Variants in ZNF33B observed in about 807,000 individuals in gnomAD.
ZNF33B encodes the protein zinc finger protein 11b (KOX 2).
In ZNF33B, 29 loss-of-function variants were observed where a neutral mutation model predicts 45.8. The ratio of observed to expected loss-of-function variants is 0.63; its 90% confidence interval spans 0.47 to 0.86. ZNF33B has a LOEUF of 0.86. ZNF33B is among the 40% of genes least tolerant of loss of function. The pLI, the probability that ZNF33B is intolerant of heterozygous loss-of-function variation, is 0.00. For missense variants in ZNF33B, 831 were observed against 909.9 expected, an observed-to-expected ratio of 0.91 and a Z score of 1.12; for synonymous variants, 305 against 307.8, an observed-to-expected ratio of 0.99 and a Z score of 0.10.
At chr10:42,599,101 G>A (rs1837516230) in intron 4 of ZNF33B, among the ~76,000 whole-genome samples, 1 of 152,252 alleles carries the variant, frequency 6.6e-6, no homozygotes, top group East Asian at 1.9e-4. Context: ...CATCAAAATC[G>A]TCAAACTGAT....
intron 4 of ZNF33B, among the ~76,000 whole-genome samples, chr10:42,616,656 T>C (rs928792101): frequency 6.6e-6 from 1 of 152,182 alleles, no homozygotes; most frequent in Non-Finnish European, 1.5e-5. Context: ...AAGTGTGCTA[T>C]GATTTTTCAA....
intron 4 of ZNF33B, among the ~76,000 whole-genome samples, chr10:42,617,278 A>C (rs922553323): frequency 1.3e-5 from 2 of 148,418 alleles, no homozygotes; most frequent in African/African-American, 5.0e-5. Flanking sequence ...TAATGTCTTT[A>C]CTTTTTGTAG....
chr10:42,583,162 ATGTC>A (rs1284342061), intron 1 of ZNF33B: 7 of 787,696 alleles, frequency 8.9e-6, no homozygotes, highest in African/African-American at 6.7e-5. Flanking sequence ...ATATTTGAAA[ATGTC>A]TGTCTTAGGG....
chr10:42,588,689 T>A (rs942171794), downstream of ZNF33B, among the ~76,000 whole-genome samples: 2 of 151,948 alleles, frequency 1.3e-5, no homozygotes, highest in Middle Eastern at 3.2e-3. Flanking sequence ...AAAGAAGGGG[T>A]TGTAGTGAGC....
At chr10:42,577,217 C>T (rs909400836) in intron 1 of ZNF33B, among the ~76,000 whole-genome samples, 6 of 151,748 alleles carry the variant, frequency 4.0e-5, no homozygotes, top group African/African-American at 1.5e-4. Flanking sequence ...AGAGGTGCCA[C>T]TTTAAGAAAC....
intron 4 of ZNF33B, among the ~76,000 whole-genome samples, chr10:42,619,659 T>A (rs754679385): frequency 1.3e-5 from 2 of 152,098 alleles, no homozygotes; most frequent in Non-Finnish European, 2.9e-5. Context: ...GACAAATGGA[T>A]AAGAACTAAA....
intron 4 of ZNF33B, among the ~76,000 whole-genome samples, chr10:42,619,127 C>CA (rs75304231): frequency 2.1e-3 from 273 of 132,122 alleles, no homozygotes; most frequent in Non-Finnish European, 2.6e-3. Flanking sequence ...ACAGAAACAC[C>CA]AAAAAAAAAA....
chr10:42,578,872 A>G (rs1322047562), intron 1 of ZNF33B: 3 of 152,236 alleles, frequency 2.0e-5, no homozygotes, highest in African/African-American at 7.2e-5. Context: ...CTGGTGTCAT[A>G]AATTCTAGGA....
intron 4 of ZNF33B, among the ~76,000 whole-genome samples, chr10:42,622,001 T>A (rs1441123208): frequency 1.3e-5 from 2 of 152,136 alleles, no homozygotes; most frequent in East Asian, 1.9e-4. Flanking sequence ...GCAGGATACA[T>A]CAACACACAA....
intron 4 of ZNF33B, among the ~76,000 whole-genome samples, chr10:42,595,700 C>G (rs1348760974): frequency 1.3e-5 from 2 of 152,088 alleles, no homozygotes; most frequent in African/African-American, 2.4e-5. Context: ...CTCTTTCTCC[C>G]CCTGCCCACC....
chr10:42,594,709 A>C lies in ZNF33B; in HGVS notation c.251-10T>G. Reference sequence around the variant, plus strand: ...TCAGCTGTCCAGACTTCTACAAACAAACAAAATTAATCTTACCATATAAAT... The same window carrying C: ...TCAGCTGTCCAGACTTCTACAAACACACAAAATTAATCTTACCATATAAAT... On this transcript the variant is annotated splice_polypyrimidine_tract_variant and intron_variant, in intron 4 of 4. Transcript: ENST00000359467. 6.5e-7 allele frequency: 1 copy of C among 1,539,836 alleles called. No homozygotes were observed. The highest frequency in any genetic ancestry group is 8.7e-7 in the Non-Finnish European group (1 of 1,150,732).
In ZNF33B at chr10:42,589,804, G is replaced by C. The variant is rs187890851; in HGVS notation, c.*2809C>G. 1 of 151,308 alleles carries C rather than the reference G, an allele frequency of 6.6e-6. No homozygotes were observed. Among genetic ancestry groups the C allele is most frequent in the Non-Finnish European group, 1.5e-5 (1 of 67,862 alleles). The allele number at this position is 151,308 out of a possible 1,614,324, so 9.4% of individuals were successfully genotyped here. A position where few individuals can be genotyped will look rare whatever the true frequency, so the allele number is the denominator to read the frequency against. On this transcript the variant is annotated 3_prime_UTR_variant, in exon 5 of 5. Coordinates refer to ENST00000359467, the MANE Select transcript of ZNF33B (RefSeq NM_006955.3). ...GTGCATTTTATTTCCTTTTTTTTTG[G>C]TATCACTGCATTAGATAGCACTTCC...
intron 4 of ZNF33B, among the ~76,000 whole-genome samples, chr10:42,625,706 C>G (rs1335627034): frequency 1.3e-5 from 2 of 152,252 alleles, no homozygotes; most frequent in African/African-American, 4.8e-5. Flanking sequence ...CTCCTGACCT[C>G]AGGTGATCCA....
chr10:42,585,401 C>T (rs1836912697), downstream of ZNF33B, among the ~76,000 whole-genome samples: 1 of 152,218 alleles, frequency 6.6e-6, no homozygotes, highest in African/African-American at 2.4e-5. Flanking sequence ...CACTTCACTA[C>T]CTTTGATGAG....
chr10:42,614,193 A>G (rs1427200398), intron 4 of ZNF33B: 1 of 154,924 alleles, frequency 6.5e-6, no homozygotes, highest in Non-Finnish European at 1.5e-5. Context: ...GTACTTTACT[A>G]CTGTGGCCTT....
intron 4 of ZNF33B, among the ~76,000 whole-genome samples, chr10:42,620,400 T>A (rs1036544940): frequency 6.6e-6 from 1 of 151,752 alleles, no homozygotes; most frequent in African/African-American, 2.4e-5. Flanking sequence ...CAGAATGGAT[T>A]TGATTGATTT....
intron 4 of ZNF33B, among the ~76,000 whole-genome samples, chr10:42,627,008 C>CTTTTTCTTTTTTTT (rs1554825123): frequency 1.6e-4 from 23 of 145,454 alleles, no homozygotes; most frequent in African/African-American, 5.8e-4. Context: ...TGTCATTTTT[C>CTTTTTCTTTTTTTT]TTTTTTTTTT....
intron 4 of ZNF33B, among the ~76,000 whole-genome samples, chr10:42,608,323 AAGAT>A (rs1335753231): frequency 6.6e-6 from 1 of 152,210 alleles, no homozygotes; most frequent in Non-Finnish European, 1.5e-5. Context: ...ATGGAAACAG[AAGAT>A]ATAGATGACA....
chr10:42,598,156 T>C (rs1273274373), intron 4 of ZNF33B, among the ~76,000 whole-genome samples: 2 of 152,238 alleles, frequency 1.3e-5, no homozygotes, highest in Non-Finnish European at 2.9e-5. Flanking sequence ...CTCCAAAGAA[T>C]TCTAGTAACT....
Sources: allele counts gnomAD v4.1 joint callset (sites outside exome capture counted in the v4.1 genomes callset), GRCh38; gene constraint gnomAD v4.1.1; transcripts MANE v1.5; gene names NCBI Gene and HGNC (gene_info 2026-07-23, HGNC 2026-07-21).